CHN2: variants seen among roughly 807,000 people sequenced by gnomAD.
CHN2 encodes chimerin 2.
A neutral mutation model predicts 56.3 loss-of-function variants in CHN2; 35 were observed. The ratio of observed to expected loss-of-function variants is 0.62; its 90% CI spans 0.47 to 0.82. The LOEUF is 0.82. CHN2 is among the 40% of genes least tolerant of loss of function. CHN2 has a pLI of 0.00. For synonymous variants in CHN2, 210 were observed against 212.8 expected (o/e 0.99, Z 0.12); for missense variants, 491 against 580.5 (o/e 0.85, Z 1.58).
At chr7:29,258,317 A>G (rs1176540183) in intron 1 of CHN2, among the ~76,000 whole-genome samples, 1 of 152,108 alleles carries the variant, frequency 6.6e-6, no homozygotes, top group Non-Finnish European at 1.5e-5. Context: ...TCCCTTATGG[A>G]ATTTAAGGTT....
intron 6 of CHN2, among the ~76,000 whole-genome samples, chr7:29,408,854 G>A (rs955048056): frequency 2.6e-5 from 4 of 152,138 alleles, no homozygotes; most frequent in African/African-American, 9.7e-5. Flanking sequence ...TGGGCCAAAC[G>A]CCAAACCCTC....
In CHN2 at chr7:29,195,647, TGTGA is replaced by T. The variant is rs1364876639; in HGVS notation, c.49+659_49+662del. Among the ~76,000 whole-genome samples the T allele has an allele frequency of 2.4e-3, 323 of 134,868 alleles. 7 individuals are homozygous for T. Among genetic ancestry groups the T allele is most frequent in the Admixed American group, 0.021 (282 of 13,492 alleles). 88.5% of individuals were successfully genotyped at this position (134,868 alleles called of 152,430 possible). The stretch of plus-strand genomic sequence containing the variant: ...GAGAGAGAGTGTGTGTGTGTGTGTG[TGTGA>T]GAGAGAGAGAGAGAGAGACTCCTTA... On this transcript the variant is annotated intron_variant, in intron 1 of 12. Transcript: ENST00000222792.
At chr7:29,328,776 C>T (rs1795996787) in intron 1 of CHN2, among the ~76,000 whole-genome samples, 1 of 151,882 alleles carries the variant, frequency 6.6e-6, no homozygotes, top group African/African-American at 2.4e-5. Context: ...CTCCTTGTGC[C>T]TTATGCTGGA....
chr7:29,509,395 C>G lies in CHN2; in HGVS notation c.1224C>G (p.Ile408Met), dbSNP rs779213851. 1 of 1,613,404 alleles carries G rather than the reference C, an allele frequency of 6.2e-7. No individual in the cohort carries two copies. The highest frequency in any genetic ancestry group is 1.1e-5 in the South Asian group (1 of 91,072). ...AHYETLRYLM[I>M]HLKKVTMNEK... ...ATGAAACCCTCCGGTACCTAATGATCCACCTCAAAAAGTAAGCTCATGTCT... is the reference window on the plus strand; with the variant it reads ...ATGAAACCCTCCGGTACCTAATGATGCACCTCAAAAAGTAAGCTCATGTCT... The change falls in exon 12 of 13, where the codon ATC (isoleucine) becomes ATG (methionine). Residue 408 changes from isoleucine (I) to methionine (M), a missense_variant. Coordinates refer to ENST00000222792, the MANE Select transcript of CHN2 (RefSeq NM_004067.4).
At chr7:29,389,771 C>A (rs1002690646) in intron 3 of CHN2, among the ~76,000 whole-genome samples, 1 of 151,942 alleles carries the variant, frequency 6.6e-6, no homozygotes, top group East Asian at 1.9e-4. Flanking sequence ...AAGAATCAGC[C>A]GGCCAGGCAC....
At chr7:29,164,655 C>T (rs918383215) in intron 2 of CHN2, among the ~76,000 whole-genome samples, 2 of 151,758 alleles carry the variant, frequency 1.3e-5, no homozygotes, top group African/African-American at 4.8e-5. Context: ...GTGGCATATG[C>T]CTGTAATCCC....
At chr7:29,388,807 CA>C (rs1801137480) in intron 3 of CHN2, among the ~76,000 whole-genome samples, 2 of 152,216 alleles carry the variant, frequency 1.3e-5, no homozygotes, top group Non-Finnish European at 2.9e-5. Context: ...GGGCTGAAAA[CA>C]TAACATTCGC....
At chr7:29,415,763 G>C (rs1468005461) in intron 6 of CHN2, among the ~76,000 whole-genome samples, 1 of 152,234 alleles carries the variant, frequency 6.6e-6, no homozygotes, top group Non-Finnish European at 1.5e-5. Context: ...TGGCAGGGTA[G>C]AGGATGGGCT....
At chr7:29,190,060 C>T (rs1232362342), upstream of CHN2, among the ~76,000 whole-genome samples, 2 of 152,232 alleles carry the variant, frequency 1.3e-5, no homozygotes, top group Non-Finnish European at 2.9e-5. Context: ...CTGTGCACCT[C>T]CTGAGGAAAC....
At chr7:29,313,830 G>A (rs1340385446) in intron 1 of CHN2, among the ~76,000 whole-genome samples, 6 of 152,120 alleles carry the variant, frequency 3.9e-5, no homozygotes, top group Non-Finnish European at 7.3e-5. Flanking sequence ...AACTTACTAC[G>A]AGCGTTCATC....
intron 1 of CHN2, among the ~76,000 whole-genome samples, chr7:29,210,756 A>AG (rs532350354): frequency 2.3e-4 from 35 of 152,242 alleles, no homozygotes; most frequent in Admixed American, 1.4e-3. Flanking sequence ...TGGTCAGAGA[A>AG]GGCTTTACTG....
chr7:29,278,071 C>T (rs946457436), intron 1 of CHN2, among the ~76,000 whole-genome samples: 1 of 152,216 alleles, frequency 6.6e-6, no homozygotes, highest in African/African-American at 2.4e-5. Context: ...GCTGAACCAC[C>T]TTGTCTGTGA....
At chr7:29,372,008 A>G (rs1278989148) in intron 3 of CHN2, among the ~76,000 whole-genome samples, 1 of 151,952 alleles carries the variant, frequency 6.6e-6, no homozygotes, top group Non-Finnish European at 1.5e-5. Context: ...TACACACTCC[A>G]GTCACCAGAC....
intron 1 of CHN2, among the ~76,000 whole-genome samples, chr7:29,234,051 T>C (rs1462424217): frequency 5.3e-5 from 8 of 151,024 alleles, no homozygotes; most frequent in Non-Finnish European, 1.0e-4. Flanking sequence ...GCCGGGATGG[T>C]CTCGATCTCC....
intron 1 of CHN2, chr7:29,212,539 A>C: frequency 6.6e-7 from 1 of 1,512,090 alleles, no homozygotes; most frequent in South Asian, 1.1e-5. Context: ...CCATTGCTGC[A>C]GAGAATAATG....
intron 1 of CHN2, among the ~76,000 whole-genome samples, chr7:29,219,629 A>G (rs555889195): frequency 1.9e-4 from 29 of 152,358 alleles, no homozygotes; most frequent in African/African-American, 7.0e-4. Flanking sequence ...AATTTAAGAT[A>G]TACTATGTAG....
chr7:29,370,375 G>A (rs1226519389), intron 3 of CHN2, among the ~76,000 whole-genome samples: 1 of 152,166 alleles, frequency 6.6e-6, no homozygotes, highest in Non-Finnish European at 1.5e-5. Flanking sequence ...TGTGGCCAGG[G>A]AGATTGAAGC....
intron 6 of CHN2, among the ~76,000 whole-genome samples, chr7:29,449,497 C>T (rs1298910741): frequency 2.6e-5 from 4 of 152,118 alleles, no homozygotes; most frequent in African/African-American, 7.2e-5. Flanking sequence ...TGGGAAAGTT[C>T]GTACTACAAT....
intron 6 of CHN2, among the ~76,000 whole-genome samples, chr7:29,438,952 T>C (rs1744260647): frequency 6.6e-6 from 1 of 152,232 alleles, no homozygotes. Context: ...TCCTATTATC[T>C]TAGTTTCACT....
Sources: gnomAD v4.1 joint callset for allele counts (sites outside exome capture counted in the v4.1 genomes callset) on GRCh38, gnomAD v4.1.1 for gene constraint, MANE v1.5 for transcripts, NCBI Gene and HGNC (gene_info 2026-07-23, HGNC 2026-07-21) for gene names.